The following PRKCI variants were observed in gnomAD, a reference collection of about 807,000 sequenced individuals.
PRKCI encodes the protein protein kinase C iota type.
In PRKCI, 43 loss-of-function variants were observed where a neutral mutation model predicts 84.0. The observed-to-expected ratio is 0.51, with a 90% confidence interval of 0.40 to 0.66. The LOEUF (loss-of-function observed/expected upper bound fraction) is 0.66. Ranked by LOEUF, PRKCI falls within the 30% of genes least tolerant of loss-of-function variation. The probability of loss-of-function intolerance (pLI) is 0.00; values close to 1 mark genes in which losing one functional copy is unlikely to be tolerated. For missense variants in PRKCI, 459 were observed against 745.6 expected, an observed-to-expected ratio of 0.62 and a Z score of 4.48; for synonymous variants, 216 against 234.4, an observed-to-expected ratio of 0.92 and a Z score of 0.72.
chr3:170,241,280 A>T (rs979778134), intron 2 of PRKCI, among the ~76,000 whole-genome samples: 4 of 152,222 alleles, frequency 2.6e-5, no homozygotes, highest in African/African-American at 9.6e-5. Context: ...ATAGATCACC[A>T]GAACTTACTA....
chr3:170,231,462 A>G (rs938212433), intron 1 of PRKCI, among the ~76,000 whole-genome samples: 2 of 151,112 alleles, frequency 1.3e-5, no homozygotes, highest in African/African-American at 4.9e-5. Flanking sequence ...TTATTTATTT[A>G]TTATTTATTT....
At chr3:170,223,176 A>G (rs1279672569) in intron 1 of PRKCI, among the ~76,000 whole-genome samples, 1 of 151,984 alleles carries the variant, frequency 6.6e-6, no homozygotes, top group Non-Finnish European at 1.5e-5. Context: ...GGGATAGAAA[A>G]CGGGACTTCT....
intron 14 of PRKCI, among the ~76,000 whole-genome samples, chr3:170,294,405 C>T (rs1242225467): frequency 1.3e-5 from 2 of 152,092 alleles, no homozygotes; most frequent in African/African-American, 4.8e-5. Context: ...CCCAAATGGC[C>T]ATGGAATATG....
Position 170,259,960 on chromosome 3 carries a change from G to A in PRKCI, c.224-9G>A, listed in dbSNP as rs372496186. 32 of 1,583,340 alleles carry A rather than the reference G, an allele frequency of 2.0e-5. No homozygotes were observed. The highest frequency in any genetic ancestry group is 2.7e-5 in the Non-Finnish European group (32 of 1,163,964). ...AAAGTGACCTTTACTTTACTTTTGT[G>A]TTTTTTAGGAGACCCGTGTACAGTA... is the stretch of plus-strand genomic sequence containing the variant. On this transcript the variant is annotated splice_polypyrimidine_tract_variant and intron_variant, in intron 2 of 17. Transcript: ENST00000295797.
chr3:170,245,950 T>TTTTTTTTTTTTGTTTTTTTG, intron 2 of PRKCI, among the ~76,000 whole-genome samples: 1 of 44,358 alleles, frequency 2.3e-5, no homozygotes, highest in East Asian at 5.7e-4. Flanking sequence ...TATGTCTTTG[T>TTTTTTTTTTTTGTTTTTTTG]TTTTTTTTTT....
chr3:170,269,814 C>G (rs1163960213), intron 5 of PRKCI, among the ~76,000 whole-genome samples: 1 of 151,972 alleles, frequency 6.6e-6, no homozygotes, highest in Non-Finnish European at 1.5e-5. Context: ...AAAACTTAGC[C>G]AGGTATGGTG....
chr3:170,267,805 A>ATTTTTT, intron 4 of PRKCI, 110 bp from the exon 5 acceptor site: 1 of 652,484 alleles, frequency 1.5e-6, no homozygotes, highest in Non-Finnish European at 2.4e-6. Flanking sequence ...TTTTATCAGT[A>ATTTTTT]TTTTTTTTTC....
chr3:170,227,840 GAT>G (rs144196495), intron 1 of PRKCI, among the ~76,000 whole-genome samples: 2,021 of 152,324 alleles, frequency 0.013, 48 homozygotes, highest in African/African-American at 0.046. Context: ...TAGTATGGGA[GAT>G]GGATTGGTGA....
intron 3 of PRKCI, 43 bp downstream of exon 3, chr3:170,260,101 C>A (rs1435675796): frequency 7.8e-7 from 1 of 1,282,330 alleles, no homozygotes. Flanking sequence ...CTGATAATTT[C>A]TTTGAAATCA....
At chr3:170,239,818 C>T (rs1403970543) in intron 2 of PRKCI, among the ~76,000 whole-genome samples, 1 of 151,222 alleles carries the variant, frequency 6.6e-6, no homozygotes, top group Non-Finnish European at 1.5e-5. Context: ...GTTGGAGCTG[C>T]AGTGCCTAGA....
chr3:170,237,961 G>A (rs147943086), intron 2 of PRKCI, among the ~76,000 whole-genome samples: 3,109 of 152,130 alleles, frequency 0.02, 54 homozygotes, highest in Middle Eastern at 0.054. Context: ...TTTATTAACA[G>A]TTTTATTAAC....
chr3:170,245,491 TG>T (rs1407267483), intron 2 of PRKCI, among the ~76,000 whole-genome samples: 1 of 152,112 alleles, frequency 6.6e-6, no homozygotes, highest in Non-Finnish European at 1.5e-5. Context: ...AGAGAGGCTA[TG>T]GGGGTCTTGA....
chr3:170,292,106 A>G (rs781213632), intron 13 of PRKCI, among the ~76,000 whole-genome samples, 165 bp downstream of exon 13: 29 of 152,166 alleles, frequency 1.9e-4, no homozygotes, highest in Non-Finnish European at 2.6e-4. Flanking sequence ...TTTGAAATCG[A>G]GACAGTGGGA....
intron 13 of PRKCI, 50 bp downstream of exon 13, chr3:170,291,991 A>G: frequency 7.8e-7 from 1 of 1,282,090 alleles, no homozygotes; most frequent in South Asian, 1.2e-5. Flanking sequence ...GATGGGTGGT[A>G]AAATGTGGTA....
intron 12 of PRKCI, among the ~76,000 whole-genome samples, chr3:170,287,467 G>T (rs1258910320): frequency 6.6e-6 from 1 of 151,520 alleles, no homozygotes; most frequent in Non-Finnish European, 1.5e-5. Flanking sequence ...CGTTGATTCT[G>T]TTTACTTTTC....
intron 1 of PRKCI, among the ~76,000 whole-genome samples, chr3:170,230,959 T>G (rs73181250): frequency 0.077 from 11,465 of 149,140 alleles, 635 homozygotes; most frequent in East Asian, 0.17. Context: ...AATTTTTTTT[T>G]TTTGTTTTTT....
chr3:170,231,109 C>T (rs1357943892), intron 1 of PRKCI, among the ~76,000 whole-genome samples: 7 of 151,438 alleles, frequency 4.6e-5, no homozygotes, highest in Non-Finnish European at 1.0e-4. Flanking sequence ...ACAGGCAAGG[C>T]GCTACCATGC....
intron 1 of PRKCI, among the ~76,000 whole-genome samples, chr3:170,233,227 G>GGTTTTTTTTTTTTTTTTTTTTTTTT (rs1732849923): frequency 6.8e-6 from 1 of 146,160 alleles, no homozygotes; most frequent in African/African-American, 2.7e-5. Context: ...TCTTTTGGGG[G>GGTTTTTTTTTTTTTTTTTTTTTTTT]TTTATTTTTA....
At chr3:170,226,561 G>T (rs1016279273) in intron 1 of PRKCI, among the ~76,000 whole-genome samples, 1 of 152,058 alleles carries the variant, frequency 6.6e-6, no homozygotes, top group Non-Finnish European at 1.5e-5. Flanking sequence ...TTTTTAAACC[G>T]CTGCTGTCAA....
Sources: allele counts gnomAD v4.1 joint callset (sites outside exome capture counted in the v4.1 genomes callset), GRCh38; gene constraint gnomAD v4.1.1; transcripts MANE v1.5; gene names NCBI Gene and HGNC (gene_info 2026-07-23, HGNC 2026-07-21).